The following TTLL5 variants were observed in gnomAD, a reference collection of about 807,000 sequenced individuals.
The protein encoded by TTLL5 is tubulin tyrosine ligase like 5.
Under a neutral mutation model 168.4 loss-of-function variants are expected in TTLL5, and 132 were observed. The observed-to-expected ratio is 0.78, with a 90% CI of 0.68 to 0.91. The LOEUF is 0.91. Ranked by LOEUF, TTLL5 falls within the 40% of genes least tolerant of loss-of-function variation. The pLI is 0.00. For synonymous variants in TTLL5, 546 were observed against 558.6 expected (o/e 0.98, Z 0.32); for missense variants, 1,545 against 1,581.5 (o/e 0.98, Z 0.39).
At chr14:75,691,107 C>T (rs999766741) in intron 6 of TTLL5, among the ~76,000 whole-genome samples, 23 of 152,122 alleles carry the variant, frequency 1.5e-4, no homozygotes, top group African/African-American at 5.3e-4. Context: ...TAGTCACATT[C>T]TCTCCCCTTT....
rs1892558774 is a variant in TTLL5 at position 75,789,311 on chromosome 14, A to G, written c.2987-3605A>G. Among the ~76,000 whole-genome samples the G allele has an allele frequency of 2.0e-5, 3 of 152,224 alleles. No individual in the cohort carries two copies. In the South Asian group the frequency reaches 6.2e-4, roughly 32 times the overall value. On this transcript the variant is annotated intron_variant, in intron 26 of 31. Coordinates refer to ENST00000298832, the MANE Select transcript of TTLL5 (RefSeq NM_015072.5). ...CTTCTTAGCCTTTTGGCTAAGATCA[A>G]GTATAAGCATAAGGATCAAAAAAGA...
At chr14:75,717,749 TTGTTAGGTAA>T in intron 9 of TTLL5, 102 bp from the exon 10 acceptor site, 1 of 952,450 alleles carries the variant, frequency 1.0e-6, no homozygotes, top group Non-Finnish European at 1.6e-6. Flanking sequence ...CACTTGGTAT[TTGTTAGGTAA>T]TGATATTACC....
intron 18 of TTLL5, among the ~76,000 whole-genome samples, chr14:75,755,999 A>T (rs1158194180): frequency 2.6e-5 from 1 of 38,662 alleles, no homozygotes. Context: ...CCCCACCCCC[A>T]CCCAGAGTGA....
chr14:75,755,283 A>G (rs1890182509), intron 18 of TTLL5, among the ~76,000 whole-genome samples: 1 of 151,398 alleles, frequency 6.6e-6, no homozygotes. Context: ...AATAATAATA[A>G]TAATAATAAT....
chr14:75,665,353 C>T (rs1883178850), intron 2 of TTLL5, among the ~76,000 whole-genome samples: 1 of 152,160 alleles, frequency 6.6e-6, no homozygotes, highest in African/African-American at 2.4e-5. Context: ...CTTTGATTAA[C>T]AATCATAGGT....
intron 29 of TTLL5, among the ~76,000 whole-genome samples, chr14:75,872,228 T>C (rs2031094771): frequency 1.3e-5 from 2 of 152,230 alleles, no homozygotes; most frequent in South Asian, 4.1e-4. Context: ...TTTCCTTTCC[T>C]TCTCAAGAAA....
At chr14:75,818,548 C>T in intron 27 of TTLL5, 2 of 344,678 alleles carry the variant, frequency 5.8e-6, no homozygotes, top group Non-Finnish European at 1.1e-5. Context: ...AGTGCAGTGG[C>T]ATGATCTCTT....
chr14:75,782,659 T>C, intron 25 of TTLL5, 86 bp downstream of exon 25: 2 of 1,148,578 alleles, frequency 1.7e-6, no homozygotes, highest in Non-Finnish European at 2.5e-6. Context: ...TAAATATTTC[T>C]AAAGCATGGA....
chr14:75,913,963 C>A (rs1421580047), intron 31 of TTLL5, among the ~76,000 whole-genome samples: 2 of 137,812 alleles, frequency 1.5e-5, no homozygotes, highest in Non-Finnish European at 3.0e-5. Context: ...TGCAGTGAGC[C>A]AAGATTGTAC....
chr14:75,749,483 G>A (rs1234475764), intron 17 of TTLL5, among the ~76,000 whole-genome samples: 1 of 152,156 alleles, frequency 6.6e-6, no homozygotes, highest in Non-Finnish European at 1.5e-5. Flanking sequence ...ACTTCCTGTT[G>A]AGCTTCAGAA....
chr14:75,731,858 T>C (rs1034700110), intron 12 of TTLL5, among the ~76,000 whole-genome samples: 2 of 152,212 alleles, frequency 1.3e-5, no homozygotes, highest in African/African-American at 4.8e-5. Context: ...TAAGAAAATG[T>C]GATGGAAGGA....
At chr14:75,863,935 GGTC>G in intron 29 of TTLL5, 73 bp downstream of exon 29, 1 of 615,986 alleles carries the variant, frequency 1.6e-6, no homozygotes, top group Non-Finnish European at 2.2e-6. Context: ...AAAAAAAAAA[GGTC>G]AGTGAATGAG....
chr14:75,886,558 T>C (rs898795488), intron 30 of TTLL5: 3 of 1,011,134 alleles, frequency 3.0e-6, no homozygotes, highest in South Asian at 1.5e-5. Flanking sequence ...CTCAAATTCA[T>C]ATACTTGTAT....
intron 7 of TTLL5, among the ~76,000 whole-genome samples, chr14:75,706,344 C>T (rs1476838309): frequency 6.6e-6 from 1 of 152,236 alleles, no homozygotes; most frequent in African/African-American, 2.4e-5. Context: ...AATCTTAAAT[C>T]TGCCAGGCAG....
rs1888720845 is a variant in TTLL5, at chr14:75,733,929, G to T, written c.1125-60G>T. 4.6e-6 allele frequency: 7 copies of T among 1,526,318 alleles called. No homozygotes were observed. The South Asian group carries it at 7.8e-5, about 17-fold the overall frequency. The allele number at this position is 1,526,318 out of a possible 1,614,324, so 94.5% of individuals were successfully genotyped here. ...TTGCTATATTGGGACCCATCAGAGG[G>T]CGGCTATTCTGTTAACCTACACACT... On this transcript the variant is annotated intron_variant, in intron 13 of 31. Transcript: ENST00000298832.
At chr14:75,897,415 AAATT>A (rs1365414816) in intron 30 of TTLL5, among the ~76,000 whole-genome samples, 2 of 152,168 alleles carry the variant, frequency 1.3e-5, no homozygotes, top group African/African-American at 4.8e-5. Flanking sequence ...TTAAGTGGCT[AAATT>A]AATCAGGCAG....
intron 10 of TTLL5, 67 bp from the exon 11 acceptor site, chr14:75,719,668 C>T: frequency 7.4e-7 from 1 of 1,347,484 alleles, no homozygotes; most frequent in South Asian, 1.7e-5. Flanking sequence ...AGGCTATTTG[C>T]AAAGAGTCTT....
chr14:75,804,158 A>C (rs1893512541), intron 27 of TTLL5, among the ~76,000 whole-genome samples: 1 of 151,664 alleles, frequency 6.6e-6, no homozygotes, highest in Non-Finnish European at 1.5e-5. Context: ...TGCTCTTCAC[A>C]TTTTTCATTT....
At chr14:75,689,948 T>C in intron 5 of TTLL5, 1 of 394,636 alleles carries the variant, frequency 2.5e-6, no homozygotes, top group Non-Finnish European at 4.5e-6. Context: ...ACTCATAGAA[T>C]TACACATTAA....
Sources: gnomAD v4.1 joint callset for allele counts (sites outside exome capture counted in the v4.1 genomes callset) on GRCh38, gnomAD v4.1.1 for gene constraint, MANE v1.5 for transcripts, NCBI Gene and HGNC (gene_info 2026-07-23, HGNC 2026-07-21) for gene names.